TMEM232: variants seen among roughly 807,000 people sequenced by gnomAD.
TMEM232 encodes the protein transmembrane protein 232.
TMEM232 carries 80 observed loss-of-function variants against 78.8 expected under a neutral mutation model. That is an observed-to-expected ratio of 1.01 (90% confidence interval 0.85 to 1.22). The LOEUF (loss-of-function observed/expected upper bound fraction) is 1.22, where lower values mean the gene tolerates loss of function less well. TMEM232 is among the 50% of genes most tolerant of loss of function. The pLI, the probability that TMEM232 is intolerant of heterozygous loss-of-function variation, is 0.00. For synonymous variants in TMEM232, 297 were observed against 254.3 expected, an observed-to-expected ratio of 1.17 and a Z score of -1.60; for missense variants, 881 against 742.2, an observed-to-expected ratio of 1.19 and a Z score of -2.17.
rs1778295126 is a variant in TMEM232 at position 110,582,282 on chromosome 5, G to A, written c.1277-13657C>T. Reference sequence around the variant, plus strand: ...CCTAGATGTCCATCAACAGTGAACTGGATAAAAAACATATGGTACATATAC... The same window carrying A: ...CCTAGATGTCCATCAACAGTGAACTAGATAAAAAACATATGGTACATATAC... On this transcript the variant is annotated intron_variant, in intron 10 of 13. Coordinates refer to ENST00000455884, the MANE Select transcript of TMEM232 (RefSeq NM_001039763.4). Among the ~76,000 whole-genome samples, 3 of 151,710 alleles carry A rather than the reference G, an allele frequency of 2.0e-5. No individual in the cohort carries two copies. In the South Asian group the frequency reaches 6.2e-4, roughly 32 times the overall value.
At chr5:110,612,775 A>G (rs1030542501) in intron 8 of TMEM232, among the ~76,000 whole-genome samples, 2 of 152,180 alleles carry the variant, frequency 1.3e-5, no homozygotes, top group African/African-American at 4.8e-5. Context: ...CTCGAATGAA[A>G]TGCCATACTG....
chr5:110,556,034 C>A (rs1159428860), intron 11 of TMEM232, among the ~76,000 whole-genome samples: 2 of 151,972 alleles, frequency 1.3e-5, no homozygotes, highest in African/African-American at 2.4e-5. Flanking sequence ...TGTGTGTTAG[C>A]CAGTTGTTCT....
intron 12 of TMEM232, among the ~76,000 whole-genome samples, chr5:110,472,733 C>T (rs1434437740): frequency 6.6e-6 from 1 of 151,746 alleles, no homozygotes; most frequent in Non-Finnish European, 1.5e-5. Context: ...AATACATAGA[C>T]CAATGGGACA....
rs998558690 is a variant in TMEM232 at position 110,508,001 on chromosome 5, A to G, written c.1703+20587T>C. On this transcript the variant is annotated intron_variant, in intron 12 of 13. Transcript: ENST00000455884. ...TAATAGGTGGTTGACTTGTCAGCCA[A>G]CTGTGTTCAGAATTCTCTGTGACAA... Among the ~76,000 whole-genome samples, 3 of 152,164 alleles carry G rather than the reference A, an allele frequency of 2.0e-5. No individual in the cohort carries two copies. In the South Asian group the frequency reaches 6.2e-4, roughly 32 times the overall value.
At chr5:110,436,963 A>C (rs1270992385) in intron 12 of TMEM232, among the ~76,000 whole-genome samples, 5 of 151,908 alleles carry the variant, frequency 3.3e-5, no homozygotes, top group African/African-American at 1.2e-4. Flanking sequence ...TAAACTTTAG[A>C]ATTTTTTTTC....
intron 12 of TMEM232, among the ~76,000 whole-genome samples, chr5:110,430,712 T>C (rs1757736817): frequency 6.6e-6 from 1 of 151,780 alleles, no homozygotes; most frequent in Non-Finnish European, 1.5e-5. Flanking sequence ...AACATTTGAA[T>C]AAATACAATC....
chr5:110,696,888 A>C (rs1794854104), intron 1 of TMEM232, among the ~76,000 whole-genome samples: 1 of 152,194 alleles, frequency 6.6e-6, no homozygotes, highest in South Asian at 2.1e-4. Flanking sequence ...TAATTTATAG[A>C]TTCAATGCCA....
intron 1 of TMEM232, among the ~76,000 whole-genome samples, chr5:110,707,801 T>A (rs1796082301): frequency 6.6e-6 from 1 of 152,148 alleles, no homozygotes; most frequent in African/African-American, 2.4e-5. Context: ...GGGGACTTTG[T>A]CTTACATCTT....
At chr5:110,389,852 T>G (rs949494937) in intron 4 of TMEM232, among the ~76,000 whole-genome samples, 2 of 152,188 alleles carry the variant, frequency 1.3e-5, no homozygotes, top group African/African-American at 4.8e-5. Flanking sequence ...TTTGCTACGG[T>G]GAAATTCTTA....
At chr5:110,418,653 T>A (rs890890719), downstream of TMEM232, among the ~76,000 whole-genome samples, 1 of 152,244 alleles carries the variant, frequency 6.6e-6, no homozygotes, top group Non-Finnish European at 1.5e-5. Context: ...GAAGAAAAGA[T>A]AATAGCATGT....
At chr5:110,560,508 A>T (rs181711145) in intron 11 of TMEM232, among the ~76,000 whole-genome samples, 1 of 152,190 alleles carries the variant, frequency 6.6e-6, no homozygotes, top group African/African-American at 2.4e-5. Flanking sequence ...GAGCTGGAAC[A>T]ATTTGAGCAA....
chr5:110,407,821 A>ATTTCT (rs1561459993), intron 2 of TMEM232, among the ~76,000 whole-genome samples: 1 of 152,128 alleles, frequency 6.6e-6, no homozygotes, highest in Non-Finnish European at 1.5e-5. Flanking sequence ...TATATCAAGT[A>ATTTCT]TTATCTCTGA....
At chr5:110,563,917 T>A (rs544071761) in intron 11 of TMEM232, among the ~76,000 whole-genome samples, 4 of 151,892 alleles carry the variant, frequency 2.6e-5, no homozygotes, top group Non-Finnish European at 4.4e-5. Flanking sequence ...CTGGAGAAAA[T>A]GATGAACTTC....
chr5:110,405,154 AAGATAAAAAAG>A (rs1755738424), intron 2 of TMEM232, among the ~76,000 whole-genome samples: 1 of 152,098 alleles, frequency 6.6e-6, no homozygotes, highest in South Asian at 2.1e-4. Flanking sequence ...AATATAAAGC[AAGATAAAAAAG>A]AGACTAGTGA....
At chr5:110,535,223 G>T (rs1772162190) in intron 11 of TMEM232, among the ~76,000 whole-genome samples, 1 of 151,926 alleles carries the variant, frequency 6.6e-6, no homozygotes, top group South Asian at 2.1e-4. Context: ...CACCACAAAA[G>T]AAGTGAAAAT....
chr5:110,638,353 A>G lies in TMEM232; in HGVS notation c.346T>C (p.Ser116Pro). 6.5e-7 allele frequency: 1 copy of G among 1,527,232 alleles called. No individual in the cohort carries two copies. Among genetic ancestry groups the G allele is most frequent in the Non-Finnish European group, 8.8e-7 (1 of 1,138,864 alleles). The allele number at this position is 1,527,232 out of a possible 1,614,324, so 94.6% of individuals were successfully genotyped here. A position where few individuals can be genotyped will look rare whatever the true frequency, so the allele number is the denominator to read the frequency against. Residue 116 changes from serine (S) to proline (P), a missense_variant and splice_region_variant, in exon 5 of 14, where the codon TCT becomes CCT. By Grantham distance (74) the Ser-to-Pro change is moderately conservative. Coordinates refer to ENST00000455884, the MANE Select transcript of TMEM232 (RefSeq NM_001039763.4). ...AGAGATGCATAAAGCATATTTAAAG[A>G]TTCTGAAATATTAAAAATATAGAAA... ...AQCKGEIQDESLNMLYASLDH... is the reference protein window; with the variant it reads ...AQCKGEIQDEPLNMLYASLDH...
intron 12 of TMEM232, among the ~76,000 whole-genome samples, chr5:110,524,371 GAAA>G (rs1561623312): frequency 6.4e-5 from 3 of 47,142 alleles, no homozygotes; most frequent in Non-Finnish European, 1.0e-4. Context: ...AAAAAAGAAA[GAAA>G]GAAAGAAAGA....
chr5:110,425,178 A>G (rs1056270441), intron 12 of TMEM232, among the ~76,000 whole-genome samples: 1 of 152,218 alleles, frequency 6.6e-6, no homozygotes, highest in African/African-American at 2.4e-5. Flanking sequence ...CACAACCCTG[A>G]AAGTTCTGGT....
Position 110,437,020 on chromosome 5 carries a change from G to T in TMEM232, c.1704-12104C>A, listed in dbSNP as rs541823226. ...TTGGTATACTCATAGGGATTGCACT[G>T]ATCTGTAGACTGCTTTGGGTAGTAT... is the stretch of plus-strand genomic sequence containing the variant. On this transcript the variant is annotated intron_variant, in intron 12 of 13. Transcript: ENST00000455884. Among the ~76,000 whole-genome samples, 3 of 152,004 alleles carry T rather than the reference G, an allele frequency of 2.0e-5. No homozygotes were observed. The East Asian group carries it at 5.8e-4, about 29-fold the overall frequency.
Sources: gnomAD v4.1 joint callset for allele counts (sites outside exome capture counted in the v4.1 genomes callset) on GRCh38, gnomAD v4.1.1 for gene constraint, MANE v1.5 for transcripts, NCBI Gene and HGNC (gene_info 2026-07-23, HGNC 2026-07-21) for gene names.